CPED1: variants seen among roughly 807,000 people sequenced by gnomAD.
CPED1 encodes cadherin-like and PC-esterase domain-containing protein 1.
CPED1 carries 114 observed loss-of-function variants against 128.2 expected under a neutral mutation model. That is an observed-to-expected ratio of 0.89 (90% CI 0.76 to 1.04). The LOEUF (loss-of-function observed/expected upper bound fraction) is 1.04, where lower values mean the gene tolerates loss of function less well. Among genes scored for constraint, CPED1 ranks in the 50% least tolerant of loss-of-function variants. The probability of loss-of-function intolerance (pLI) is 0.00; values close to 1 mark genes in which losing one functional copy is unlikely to be tolerated. For missense variants in CPED1, 1,211 were observed against 1,207.1 expected (o/e 1.00, Z -0.05); for synonymous variants, 462 against 426.7 (o/e 1.08, Z -1.02).
chr7:121,222,225 T>C (rs888114465), intron 16 of CPED1, among the ~76,000 whole-genome samples: 7 of 152,228 alleles, frequency 4.6e-5, no homozygotes, highest in African/African-American at 1.7e-4. Flanking sequence ...CCGTTTCCCA[T>C]TTCTTGTTTT....
chr7:121,094,798 C>T (rs1262043471), intron 5 of CPED1, among the ~76,000 whole-genome samples: 1 of 152,100 alleles, frequency 6.6e-6, no homozygotes, highest in Non-Finnish European at 1.5e-5. Flanking sequence ...ATCTAGCCAA[C>T]CAGATATTAA....
At chr7:121,266,179 C>T in intron 18 of CPED1, 48 bp from the exon 19 acceptor site, 1 of 1,399,784 alleles carries the variant, frequency 7.1e-7, no homozygotes, top group Non-Finnish European at 1.0e-6. Flanking sequence ...ATCTCCTGTA[C>T]CATGTAAACA....
At chr7:121,012,568 T>A (rs1441863093) in intron 2 of CPED1, among the ~76,000 whole-genome samples, 2 of 152,244 alleles carry the variant, frequency 1.3e-5, no homozygotes, top group Non-Finnish European at 2.9e-5. Flanking sequence ...GCTAGTGCGG[T>A]TGACATAATT....
At chr7:121,283,461 ATGTAT>A (rs1393528083) in intron 22 of CPED1, among the ~76,000 whole-genome samples, 2 of 152,224 alleles carry the variant, frequency 1.3e-5, no homozygotes, top group Non-Finnish European at 2.9e-5. Context: ...TTTAACTAAA[ATGTAT>A]TGAGCATGCA....
chr7:121,067,192 C>G (rs1244464708), intron 5 of CPED1, among the ~76,000 whole-genome samples: 5 of 151,940 alleles, frequency 3.3e-5, no homozygotes, highest in African/African-American at 1.2e-4. Flanking sequence ...TATACATGTG[C>G]CATGTTGGTA....
At chr7:121,125,372 C>T (rs1187591988) in intron 8 of CPED1, among the ~76,000 whole-genome samples, 1 of 151,980 alleles carries the variant, frequency 6.6e-6, no homozygotes, top group Non-Finnish European at 1.5e-5. Flanking sequence ...ATACATATGC[C>T]ATGGTGGTTT....
intron 5 of CPED1, chr7:121,076,526 G>GTAATTTT (rs2116114243): frequency 6.6e-6 from 1 of 152,252 alleles, no homozygotes; most frequent in East Asian, 1.9e-4. Flanking sequence ...AGATGAACAA[G>GTAATTTT]TAATTTTTTC....
intron 12 of CPED1, among the ~76,000 whole-genome samples, chr7:121,132,117 A>G (rs1795684766): frequency 6.6e-6 from 1 of 152,102 alleles, no homozygotes; most frequent in Non-Finnish European, 1.5e-5. Context: ...ATTATCTTCA[A>G]GGTTACCAGT....
intron 16 of CPED1, among the ~76,000 whole-genome samples, chr7:121,215,122 G>A (rs1473552515): frequency 1.3e-5 from 2 of 151,956 alleles, no homozygotes; most frequent in South Asian, 4.1e-4. Context: ...TTTCAACCAT[G>A]TTCCGATGCC....
intron 16 of CPED1, among the ~76,000 whole-genome samples, chr7:121,227,335 T>C (rs1373189342): frequency 6.6e-6 from 1 of 152,092 alleles, no homozygotes; most frequent in Non-Finnish European, 1.5e-5. Context: ...GTTTATCACA[T>C]GCTGAGGACT....
intron 18 of CPED1, among the ~76,000 whole-genome samples, chr7:121,251,442 C>T (rs1412965613): frequency 1.3e-5 from 2 of 152,054 alleles, no homozygotes; most frequent in Non-Finnish European, 2.9e-5. Flanking sequence ...TCCTATTCAA[C>T]ATAGTGTTGG....
rs944795241 is a variant in CPED1 at position 121,147,512 on chromosome 7, A to G, written c.2055+5371A>G. Reference sequence around the variant, plus strand: ...TGTAGTGTTTAGGAATTAATAAAATATACTTATAAGAAAATTGCTATACAC... The same window carrying G: ...TGTAGTGTTTAGGAATTAATAAAATGTACTTATAAGAAAATTGCTATACAC... On this transcript the variant is annotated intron_variant, in intron 16 of 22. Transcript: ENST00000310396. Among the ~76,000 whole-genome samples, 3 of 144,524 alleles carry G rather than the reference A, an allele frequency of 2.1e-5. No individual in the cohort carries two copies. The East Asian group carries it at 5.8e-4, about 28-fold the overall frequency. The allele number at this position is 144,524 out of a possible 152,430, so 94.8% of individuals were successfully genotyped here.
intron 2 of CPED1, among the ~76,000 whole-genome samples, chr7:121,012,970 A>G (rs1385216224): frequency 6.6e-6 from 1 of 152,230 alleles, no homozygotes; most frequent in Non-Finnish European, 1.5e-5. Context: ...AAGTTTTAAA[A>G]TATCCCTTCC....
chr7:121,082,871 G>A (rs1794327587), intron 5 of CPED1, among the ~76,000 whole-genome samples: 1 of 152,158 alleles, frequency 6.6e-6, no homozygotes, highest in Admixed American at 6.5e-5. Flanking sequence ...TAGGCCTAAT[G>A]AGAAACTGAA....
At chr7:121,108,240 T>C (rs1057072952) in intron 7 of CPED1, among the ~76,000 whole-genome samples, 16 of 152,134 alleles carry the variant, frequency 1.1e-4, no homozygotes, top group African/African-American at 3.6e-4. Flanking sequence ...TTAAAAAAGT[T>C]ATTTTATAAC....
intron 2 of CPED1, among the ~76,000 whole-genome samples, chr7:121,003,889 G>A (rs1480197535): frequency 6.6e-6 from 1 of 152,168 alleles, no homozygotes; most frequent in Non-Finnish European, 1.5e-5. Context: ...GGTAATAAGA[G>A]TAAGCAAGAA....
intron 3 of CPED1, among the ~76,000 whole-genome samples, chr7:121,035,326 G>A (rs561296857): frequency 1.3e-3 from 197 of 152,310 alleles, no homozygotes; most frequent in African/African-American, 4.6e-3. Flanking sequence ...ATAATTAGAA[G>A]CAGGAAGACT....
At position 121,141,997 on chromosome 7, in the gene CPED1, A is replaced by G. The variant is rs1465654947; in HGVS notation, c.1911A>G (p.Leu637=). 2 of 1,612,312 alleles carry G rather than the reference A, an allele frequency of 1.2e-6. No individual in the cohort carries two copies. The highest frequency in any genetic ancestry group is 2.7e-5 in the African/African-American group (2 of 74,782). Residue 637 remains leucine (L), a synonymous_variant, in exon 16 of 23, where the codon TTA becomes TTG. Coordinates refer to ENST00000310396, the MANE Select transcript of CPED1 (RefSeq NM_024913.5). ...GPSFASYPLG[L]GMNKISIFVV... is the part of the protein sequence containing the mutation. Reference sequence around the variant, plus strand: ...GCTTTGCCAGCTACCCTCTGGGCTTAGGAATGAACAAAATCTCAATATTTG... The same window carrying G: ...GCTTTGCCAGCTACCCTCTGGGCTTGGGAATGAACAAAATCTCAATATTTG...
rs1792136230 is a variant in CPED1, at chr7:121,266,784, A to G, written c.2609A>G (p.Gln870Arg). The G allele has an allele frequency of 4.3e-6, 7 of 1,612,384 alleles. No individual in the cohort carries two copies. The highest frequency in any genetic ancestry group is 5.9e-6 in the Non-Finnish European group (7 of 1,178,864). ...CAGTGGCTTAATTCCAATCACCTGC[A>G]AATTATTCACAAAGTTTTGAAGAGG... Reference protein sequence around the residue: ...GVQWLNSNHLQIIHKVLKREN... With the variant: ...GVQWLNSNHLRIIHKVLKREN... The change falls in exon 20 of 23, where the codon CAA (glutamine) becomes CGA (arginine). Residue 870 changes from glutamine (Q) to arginine (R), a missense_variant. Gln to Arg is a conservative substitution (Grantham distance 43). Coordinates refer to ENST00000310396, the MANE Select transcript of CPED1 (RefSeq NM_024913.5).
Sources: gnomAD v4.1 joint callset for allele counts (sites outside exome capture counted in the v4.1 genomes callset) on GRCh38, gnomAD v4.1.1 for gene constraint, MANE v1.5 for transcripts, NCBI Gene and HGNC (gene_info 2026-07-23, HGNC 2026-07-21) for gene names.